TRMT9B: variants seen among roughly 807,000 people sequenced by gnomAD.
TRMT9B encodes the protein probable tRNA methyltransferase 9B.
A neutral mutation model predicts 11.5 loss-of-function variants in TRMT9B; 16 were observed. The ratio of observed to expected loss-of-function variants is 1.39; its 90% CI spans 0.94 to 2.11. The LOEUF (loss-of-function observed/expected upper bound fraction) is 2.11. Ranked by LOEUF, TRMT9B falls within the 30% of genes most tolerant of loss-of-function variation. The pLI is 0.00. For synonymous variants in TRMT9B, 274 were observed against 192.4 expected, an observed-to-expected ratio of 1.42 and a Z score of -3.51; for missense variants, 941 against 553.8, an observed-to-expected ratio of 1.70 and a Z score of -7.02.
intron 2 of TRMT9B, among the ~76,000 whole-genome samples, chr8:12,997,194 T>C (rs7841572): frequency 0.24 from 35,727 of 151,800 alleles, 5,149 homozygotes; most frequent in East Asian, 0.58. Flanking sequence ...GTGGGGACTA[T>C]TGGGATGTGT....
chr8:12,955,719 T>C (rs1040310912), intron 1 of TRMT9B, among the ~76,000 whole-genome samples: 4 of 152,176 alleles, frequency 2.6e-5, no homozygotes, highest in African/African-American at 9.7e-5. Context: ...ATGGAAACTA[T>C]CCTAACTATT....
chr8:12,971,036 C>T (rs960730330), intron 1 of TRMT9B, among the ~76,000 whole-genome samples: 2 of 152,060 alleles, frequency 1.3e-5, no homozygotes, highest in African/African-American at 2.4e-5. Flanking sequence ...GGTACATGTG[C>T]TATTTTGACA....
At chr8:12,972,291 G>A (rs1030968431) in intron 1 of TRMT9B, among the ~76,000 whole-genome samples, 5 of 152,178 alleles carry the variant, frequency 3.3e-5, no homozygotes, top group Admixed American at 1.3e-4. Context: ...CCAGACTCCC[G>A]TGGAGGCGGG....
At chr8:12,976,298 G>T (rs1402685360) in intron 1 of TRMT9B, among the ~76,000 whole-genome samples, 1 of 151,976 alleles carries the variant, frequency 6.6e-6, no homozygotes, top group Non-Finnish European at 1.5e-5. Flanking sequence ...TTTCACCATC[G>T]TAAAAGGCAA....
intron 3 of TRMT9B, chr8:13,006,825 C>T (rs924416849): frequency 3.4e-5 from 9 of 267,520 alleles, no homozygotes; most frequent in African/African-American, 1.3e-4. Context: ...CCCGCCACCA[C>T]GCCCAGCTAA....
rs987291359 is a variant in TRMT9B at position 13,024,615 on chromosome 8, C to G, written c.*2571C>G. 1 of 167,070 alleles carries G rather than the reference C, an allele frequency of 6.0e-6. No individual in the cohort carries two copies. The highest frequency in any genetic ancestry group is 2.4e-5 in the African/African-American group (1 of 41,460). The allele number at this position is 167,070 out of a possible 1,614,324, so 10.3% of individuals were successfully genotyped here. A position where few individuals can be genotyped will look rare whatever the true frequency, so the allele number is the denominator to read the frequency against. On this transcript the variant is annotated 3_prime_UTR_variant, in exon 5 of 5. Transcript: ENST00000524591. ...TTGGTGGAACTCAGTTTACCAGACT[C>G]TTTAGCCTTTGAGCTAAACTGTCTG...
At chr8:12,972,469 T>C (rs991865296) in intron 1 of TRMT9B, among the ~76,000 whole-genome samples, 23 of 152,246 alleles carry the variant, frequency 1.5e-4, no homozygotes, top group African/African-American at 5.3e-4. Context: ...CCGACTCCTA[T>C]TGGAAACAAA....
chr8:12,990,893 T>G lies in TRMT9B; in HGVS notation c.-140T>G. 3.9e-6 allele frequency: 5 copies of G among 1,289,620 alleles called. No individual in the cohort carries two copies. Among genetic ancestry groups the G allele is most frequent in the Non-Finnish European group, 5.1e-6 (5 of 988,642 alleles). The allele number at this position is 1,289,620 out of a possible 1,614,324, so 79.9% of individuals were successfully genotyped here. On this transcript the variant is annotated 5_prime_UTR_variant, in exon 2 of 5. It adds an upstream start codon to the 5' untranslated region. Transcript: ENST00000524591. ...TTTATCATGAGAAGGACCGCACTAT[T>G]TCATTTCACTCCTACAAGTTTTCAT... is the stretch of plus-strand genomic sequence containing the variant.
intron 1 of TRMT9B, among the ~76,000 whole-genome samples, chr8:12,986,300 C>T (rs1806295403): frequency 6.6e-6 from 1 of 152,134 alleles, no homozygotes. Flanking sequence ...AACCACTGTA[C>T]TGTCTTCCCT....
intron 4 of TRMT9B, among the ~76,000 whole-genome samples, chr8:13,016,505 C>G (rs972392960): frequency 2.6e-5 from 4 of 151,248 alleles, no homozygotes; most frequent in African/African-American, 9.7e-5. Context: ...TTGGCACTTC[C>G]TGCTTAACAG....
At position 13,021,655 on chromosome 8, in the gene TRMT9B, G is replaced by A. The variant is rs558962653; in HGVS notation, c.976G>A (p.Ala326Thr). The stretch of plus-strand genomic sequence containing the variant: ...TGGAAAACACTTGGAGTGGCTGAGA[G>A]CACCAGGCACTCTGAAACATTTAAA... ...SSGKHLEWLR[A>T]PGTLKHLNGD... The change falls in exon 5 of 5, where the codon GCA becomes ACA. Residue 326 changes from alanine to threonine, a missense_variant. Coordinates refer to ENST00000524591, the MANE Select transcript of TRMT9B (RefSeq NM_020844.3). The A allele has an allele frequency of 8.1e-6, 13 of 1,613,858 alleles. No homozygotes were observed. The African/African-American group carries it at 9.3e-5, about 12-fold the overall frequency.
chr8:12,999,231 G>A (rs1320916231), intron 2 of TRMT9B, among the ~76,000 whole-genome samples: 2 of 150,870 alleles, frequency 1.3e-5, no homozygotes, highest in East Asian at 2.0e-4. Flanking sequence ...CCTGGGAGGC[G>A]GAGGTTGCAG....
intron 3 of TRMT9B, chr8:13,010,858 G>T: frequency 1.2e-5 from 12 of 979,760 alleles, no homozygotes; most frequent in Non-Finnish European, 1.5e-5. Flanking sequence ...CCCCATGATT[G>T]CCTTCAAACA....
At chr8:13,018,440 T>C (rs1224428278) in intron 4 of TRMT9B, among the ~76,000 whole-genome samples, 1 of 150,976 alleles carries the variant, frequency 6.6e-6, no homozygotes, top group East Asian at 1.9e-4. Context: ...TACTTTGAAG[T>C]CCAATCAAAT....
At chr8:12,978,355 C>T (rs1804778953) in intron 1 of TRMT9B, among the ~76,000 whole-genome samples, 2 of 152,188 alleles carry the variant, frequency 1.3e-5, no homozygotes, top group South Asian at 4.1e-4. Flanking sequence ...TCCTCTTCTG[C>T]TGATTGTGCC....
At chr8:13,008,363 T>G (rs890694699) in intron 3 of TRMT9B, among the ~76,000 whole-genome samples, 4 of 152,160 alleles carry the variant, frequency 2.6e-5, no homozygotes, top group African/African-American at 9.7e-5. Flanking sequence ...AATGGAGAAA[T>G]TGTGGCCCTA....
chr8:13,006,506 C>T (rs1810506435), intron 3 of TRMT9B, 150 bp downstream of exon 3: 17 of 1,477,560 alleles, frequency 1.2e-5, no homozygotes, highest in African/African-American at 4.2e-5. Context: ...GCATGAAATA[C>T]CTTCCATTGA....
Position 12,990,885 on chromosome 8 carries a change from C to G in TRMT9B, c.-148C>G. The stretch of plus-strand genomic sequence containing the variant: ...ACAAGAGGTTTATCATGAGAAGGAC[C>G]GCACTATTTCATTTCACTCCTACAA... On this transcript the variant is annotated 5_prime_UTR_variant, in exon 2 of 5. Transcript: ENST00000524591. The G allele has an allele frequency of 7.8e-7, 1 of 1,289,518 alleles. No individual in the cohort carries two copies. Among genetic ancestry groups the G allele is most frequent in the Admixed American group, 2.3e-5 (1 of 43,546 alleles). 79.9% of individuals were successfully genotyped at this position (1,289,518 alleles called of 1,614,324 possible).
intron 1 of TRMT9B, chr8:12,960,217 C>T (rs1801906845): frequency 6.6e-6 from 1 of 152,176 alleles, no homozygotes; most frequent in Non-Finnish European, 1.5e-5. Context: ...TCTAAGGAGT[C>T]AACAGAGGAA....
Sources: allele counts gnomAD v4.1 joint callset (sites outside exome capture counted in the v4.1 genomes callset), GRCh38; gene constraint gnomAD v4.1.1; transcripts MANE v1.5; gene names NCBI Gene and HGNC (gene_info 2026-07-23, HGNC 2026-07-21).